The following SASH1 variants were observed in gnomAD, a reference collection of about 807,000 sequenced individuals.
The protein encoded by SASH1 is SAM and SH3 domain-containing protein 1.
SASH1 carries 44 observed loss-of-function variants against 125.2 expected under a neutral mutation model. That is an observed-to-expected ratio of 0.35 (90% CI 0.28 to 0.45). The LOEUF is 0.45. SASH1 is among the 20% of genes least tolerant of loss of function. SASH1 has a pLI of 1.00. For missense variants in SASH1, 1,426 were observed against 1,614.5 expected (o/e 0.88, Z 2.00); for synonymous variants, 639 against 649.1 (o/e 0.98, Z 0.24).
chr6:148,370,944 G>GT lies in SASH1; in HGVS notation c.157-19184dup, dbSNP rs1470630379. Among the ~76,000 whole-genome samples, 9 of 152,182 alleles carry GT rather than the reference G, an allele frequency of 5.9e-5. No individual in the cohort carries two copies. The South Asian group carries it at 6.2e-4, about 11-fold the overall frequency. On this transcript the variant is annotated intron_variant, in intron 1 of 19. Transcript: ENST00000367467. ...TATTCTCAAATGAGGACTAATACATGTTTTTTATGTAAGAAGTGAAACGCT... is the reference window on the plus strand; with the variant it reads ...TATTCTCAAATGAGGACTAATACATGTTTTTTTATGTAAGAAGTGAAACGCT...
chr6:148,226,385 T>G, the SASH1 span, among the ~76,000 whole-genome samples: 1 of 152,204 alleles, frequency 6.6e-6, no homozygotes, highest in Non-Finnish European at 1.5e-5. Flanking sequence ...AATGTGACAA[T>G]CATAAATGGA....
At chr6:148,249,536 A>G in the SASH1 span, among the ~76,000 whole-genome samples, 1 of 152,350 alleles carries the variant, frequency 6.6e-6, no homozygotes, top group South Asian at 2.1e-4. Flanking sequence ...CTAGACAGAT[A>G]GGGGTACGAA....
At chr6:148,394,719 A>G (rs141954815) in intron 2 of SASH1, among the ~76,000 whole-genome samples, 51 of 152,122 alleles carry the variant, frequency 3.4e-4, no homozygotes, top group Middle Eastern at 3.4e-3. Flanking sequence ...ATCTCAGCTC[A>G]CCGCAATTTC....
the SASH1 span, among the ~76,000 whole-genome samples, chr6:148,263,077 G>A: frequency 6.6e-6 from 1 of 152,188 alleles, no homozygotes; most frequent in Non-Finnish European, 1.5e-5. Flanking sequence ...GACAGAAACA[G>A]CAGACAGCAT....
At chr6:148,290,479 G>A (rs373002287) in intron 1 of SASH1, among the ~76,000 whole-genome samples, 3 of 151,906 alleles carry the variant, frequency 2.0e-5, no homozygotes, top group African/African-American at 4.8e-5. Flanking sequence ...GGTGGCAGGC[G>A]GCTGTAGTCC....
chr6:148,211,342 G>A, the SASH1 span, among the ~76,000 whole-genome samples: 16 of 152,260 alleles, frequency 1.1e-4, 1 homozygote, highest in South Asian at 3.3e-3. Flanking sequence ...AGGCCAAGGC[G>A]AGGGGATCAC....
intron 8 of SASH1, among the ~76,000 whole-genome samples, chr6:148,498,404 A>G (rs951660996): frequency 3.3e-5 from 5 of 152,126 alleles, no homozygotes; most frequent in African/African-American, 1.2e-4. Flanking sequence ...CTGTCTCTAA[A>G]AAAGAAAAAA....
rs553500460 is a variant in SASH1 at position 148,431,842 on chromosome 6, G to T, written c.286-8342G>T. 2.0e-5 allele frequency among the ~76,000 whole-genome samples: 3 copies of T among 152,016 alleles called. No individual in the cohort carries two copies. The East Asian group carries it at 5.8e-4, about 29-fold the overall frequency. The stretch of plus-strand genomic sequence containing the variant: ...AAATAAAGACGTGATGGTATTTTTA[G>T]GTTTAAAACATGGAGAAAGGGGCCT... On this transcript the variant is annotated intron_variant, in intron 2 of 19. Coordinates refer to ENST00000367467, the MANE Select transcript of SASH1 (RefSeq NM_015278.5).
At chr6:148,249,366 C>T in the SASH1 span, among the ~76,000 whole-genome samples, 3 of 149,452 alleles carry the variant, frequency 2.0e-5, no homozygotes, top group South Asian at 4.2e-4. Flanking sequence ...CACACACATG[C>T]GCACGTGGGC....
intron 1 of SASH1, among the ~76,000 whole-genome samples, chr6:148,381,378 TTTC>T (rs1783124460): frequency 6.6e-6 from 1 of 152,090 alleles, no homozygotes; most frequent in Non-Finnish European, 1.5e-5. Context: ...AGGGAAAGTG[TTTC>T]TGCCGCGACT....
chr6:148,322,653 C>G (rs1217210180), intron 1 of SASH1, among the ~76,000 whole-genome samples: 1 of 152,202 alleles, frequency 6.6e-6, no homozygotes, highest in Non-Finnish European at 1.5e-5. Flanking sequence ...GCTTTGGACA[C>G]TGCGGATCCC....
intron 8 of SASH1, among the ~76,000 whole-genome samples, chr6:148,493,381 C>T (rs891499166): frequency 2.6e-5 from 4 of 152,200 alleles, no homozygotes; most frequent in African/African-American, 7.2e-5. Flanking sequence ...TCCTCTGTGG[C>T]AGAGCAGTTA....
chr6:148,377,212 A>C (rs1273066524), intron 1 of SASH1, among the ~76,000 whole-genome samples: 15 of 110,520 alleles, frequency 1.4e-4, no homozygotes, highest in Non-Finnish European at 1.9e-5. Flanking sequence ...AAAACAAAAC[A>C]AACAAACAAA....
At chr6:148,381,225 C>G (rs547286729) in intron 1 of SASH1, among the ~76,000 whole-genome samples, 1 of 152,318 alleles carries the variant, frequency 6.6e-6, no homozygotes, top group Non-Finnish European at 1.5e-5. Context: ...TTAGACTAAA[C>G]TTTTCAGATT....
At position 148,532,682 on chromosome 6, in the gene SASH1, A is replaced by G; in HGVS notation, c.1565-115A>G. ...TGGTCCTGACAGAGGGTTGTGGCTC[A>G]AGGCTTCCTTTCTCTGGGCCTTCAT... On this transcript the variant is annotated intron_variant, in intron 13 of 19. Transcript: ENST00000367467. This position sits in a 1 kb window ranked among gnomAD's most constrained non-coding sequence, Gnocchi z 4.7. 7.9e-7 allele frequency: 1 copy of G among 1,266,082 alleles called. No homozygotes were observed. The highest frequency in any genetic ancestry group is 1.1e-6 in the Non-Finnish European group (1 of 897,552). The allele number at this position is 1,266,082 out of a possible 1,614,324, so 78.4% of individuals were successfully genotyped here.
chr6:148,360,519 T>G (rs1782148206), intron 1 of SASH1, among the ~76,000 whole-genome samples: 1 of 152,066 alleles, frequency 6.6e-6, no homozygotes, highest in South Asian at 2.1e-4. Context: ...AGTTAATTTT[T>G]GTATTTTTAG....
the SASH1 span, among the ~76,000 whole-genome samples, chr6:148,233,740 T>TATAAAAAAAAAAAAAAAAAAAAAA: frequency 8.5e-5 from 1 of 11,698 alleles, no homozygotes; most frequent in Non-Finnish European, 1.3e-4. Context: ...GCTTCCTCTC[T>TATAAAAAAAAAAAAAAAAAAAAAA]ACAAAAAAAA....
chr6:148,394,830 G>A (rs572507585), intron 2 of SASH1, among the ~76,000 whole-genome samples: 18 of 152,110 alleles, frequency 1.2e-4, no homozygotes, highest in African/African-American at 9.7e-5. Context: ...ATTTAGTAGA[G>A]TTGGGGTTTC....
At chr6:148,305,623 C>CAAAAAAA (rs59521298) in intron 1 of SASH1, among the ~76,000 whole-genome samples, 16 of 104,332 alleles carry the variant, frequency 1.5e-4, no homozygotes, top group African/African-American at 3.8e-4. Context: ...GACTCTGACT[C>CAAAAAAA]AAAAAAAAAA....
Sources: allele counts gnomAD v4.1 joint callset (sites outside exome capture counted in the v4.1 genomes callset), GRCh38; gene constraint gnomAD v4.1.1; non-coding constraint Gnocchi (gnomAD v3.1); transcripts MANE v1.5; gene names NCBI Gene and HGNC (gene_info 2026-07-23, HGNC 2026-07-21).